Variants in ARHGAP22 observed in about 807,000 individuals in gnomAD.
The protein encoded by ARHGAP22 is Rho GTPase activating protein 22.
Under a neutral mutation model 59.1 loss-of-function variants are expected in ARHGAP22, and 48 were observed. That is an observed-to-expected ratio of 0.81 (90% CI 0.64 to 1.03). ARHGAP22 has a LOEUF of 1.03. Ranked by LOEUF, ARHGAP22 falls within the 50% of genes least tolerant of loss-of-function variation. The pLI is 0.00. For synonymous variants in ARHGAP22, 445 were observed against 416.4 expected (o/e 1.07, Z -0.84); for missense variants, 1,015 against 958.7 (o/e 1.06, Z -0.78).
At chr10:48,558,868 T>C (rs893637675) in intron 2 of ARHGAP22, among the ~76,000 whole-genome samples, 1 of 152,226 alleles carries the variant, frequency 6.6e-6, no homozygotes, top group Non-Finnish European at 1.5e-5. Flanking sequence ...TGACACCTTT[T>C]ACATGAGCTC....
At chr10:48,531,993 A>G (rs1197804120) in intron 3 of ARHGAP22, among the ~76,000 whole-genome samples, 1 of 152,186 alleles carries the variant, frequency 6.6e-6, no homozygotes, top group African/African-American at 2.4e-5. Flanking sequence ...GGCCTCTGGT[A>G]GAGGGAGCTT....
intron 2 of ARHGAP22, among the ~76,000 whole-genome samples, chr10:48,579,731 G>A (rs1075809): frequency 1.3e-5 from 2 of 151,992 alleles, no homozygotes; most frequent in African/African-American, 4.8e-5. Context: ...TCCTTCTTCC[G>A]GACAGTTACA....
intron 1 of ARHGAP22, among the ~76,000 whole-genome samples, chr10:48,637,654 A>G: frequency 6.6e-6 from 1 of 151,904 alleles, no homozygotes; most frequent in East Asian, 1.9e-4. Context: ...GGATAGATGG[A>G]TAGATGGATG....
downstream of ARHGAP22, among the ~76,000 whole-genome samples, chr10:48,442,454 A>T (rs978127589): frequency 6.6e-6 from 1 of 152,218 alleles, no homozygotes. Flanking sequence ...CTAGGCAAAC[A>T]TACCCAGAAG....
At chr10:48,522,437 A>G (rs904177462) in intron 3 of ARHGAP22, among the ~76,000 whole-genome samples, 1 of 152,240 alleles carries the variant, frequency 6.6e-6, no homozygotes, top group African/African-American at 2.4e-5. Flanking sequence ...CCTAAGCAAG[A>G]GGAGGTGCCC....
chr10:48,527,464 G>C (rs1305534580), intron 3 of ARHGAP22, among the ~76,000 whole-genome samples: 1 of 127,416 alleles, frequency 7.8e-6, no homozygotes, highest in Non-Finnish European at 1.8e-5. Context: ...TAGGTGAATA[G>C]ATGGATGGAT....
At chr10:48,438,131 G>A in the ARHGAP22 span, 1 of 152,226 alleles carries the variant, frequency 6.6e-6, no homozygotes, top group Non-Finnish European at 1.5e-5. Flanking sequence ...TAGTTTGTGA[G>A]TGTTGTTCAT....
chr10:48,460,361 T>C (rs908269332), intron 4 of ARHGAP22, among the ~76,000 whole-genome samples: 4 of 152,176 alleles, frequency 2.6e-5, no homozygotes, highest in Admixed American at 2.0e-4. Context: ...GACATAGTAA[T>C]GTGAAAACCA....
At chr10:48,448,667 A>G (rs2045599011) in intron 9 of ARHGAP22, among the ~76,000 whole-genome samples, 1 of 147,446 alleles carries the variant, frequency 6.8e-6, no homozygotes, top group Admixed American at 7.1e-5. Flanking sequence ...GCTGGACAGG[A>G]CAGGTGCTAA....
chr10:48,470,401 G>A (rs894226461), intron 4 of ARHGAP22, among the ~76,000 whole-genome samples: 2 of 152,344 alleles, frequency 1.3e-5, no homozygotes, highest in African/African-American at 4.8e-5. Flanking sequence ...CCATCAGCAG[G>A]GGTGGGGGAG....
Position 48,604,917 on chromosome 10 carries a change from GCGTCAC to G in ARHGAP22, c.-127_-122del, listed in dbSNP as rs2060598867. ...CTCGTTCGGGGCCCCGTGGCCGCTG[GCGTCAC>G]CCGTCAGGCTCCCTCGGCTACCTCT... On this transcript the variant is annotated 5_prime_UTR_variant, in exon 1 of 10. Transcript: ENST00000249601. 18 of 1,573,794 alleles carry G rather than the reference GCGTCAC, an allele frequency of 1.1e-5. No homozygotes were observed. Among genetic ancestry groups the G allele is most frequent in the Non-Finnish European group, 1.5e-5 (17 of 1,163,224 alleles).
At chr10:48,605,551 A>C (rs1287497025), upstream of ARHGAP22, among the ~76,000 whole-genome samples, 1 of 152,184 alleles carries the variant, frequency 6.6e-6, no homozygotes, top group African/African-American at 2.4e-5. Flanking sequence ...AGGGCTCTTC[A>C]TAGGAAGATC....
intron 1 of ARHGAP22, among the ~76,000 whole-genome samples, chr10:48,651,374 A>T (rs575565708): frequency 3.3e-5 from 5 of 152,260 alleles, no homozygotes; most frequent in African/African-American, 1.2e-4. Flanking sequence ...CAGCCCATGC[A>T]GCCCAGCACC....
intron 3 of ARHGAP22, among the ~76,000 whole-genome samples, chr10:48,536,851 T>C (rs2055405896): frequency 6.6e-6 from 1 of 152,178 alleles, no homozygotes; most frequent in African/African-American, 2.4e-5. Flanking sequence ...GTTGGTGTAT[T>C]TGTCTCATTC....
chr10:48,604,746 C>G lies in ARHGAP22; in HGVS notation c.34+17G>C, dbSNP rs1170914454. 1.9e-6 allele frequency: 3 copies of G among 1,614,124 alleles called. No individual in the cohort carries two copies. The highest frequency in any genetic ancestry group is 2.5e-6 in the Non-Finnish European group (3 of 1,180,054). On this transcript the variant is annotated intron_variant, in intron 1 of 9. Coordinates refer to ENST00000249601, the MANE Select transcript of ARHGAP22 (RefSeq NM_021226.4). ...GCACATGCGGTGCCCAGAGAAACCC[C>G]AGAAAGTTGGACTTACCCCTCCTGG...
chr10:48,611,298 A>G (rs751124068), intron 1 of ARHGAP22, among the ~76,000 whole-genome samples: 11 of 152,176 alleles, frequency 7.2e-5, no homozygotes, highest in Non-Finnish European at 1.6e-4. Flanking sequence ...GTCCCTGCTT[A>G]CAGGAGTTAG....
intron 1 of ARHGAP22, among the ~76,000 whole-genome samples, chr10:48,638,098 T>TC (rs1181177151): frequency 1.3e-5 from 2 of 152,158 alleles, no homozygotes; most frequent in Non-Finnish European, 2.9e-5. Context: ...TCCCTTAGAA[T>TC]CTTAGAATGG....
intron 6 of ARHGAP22, 102 bp from the exon 7 acceptor site, chr10:48,454,263 G>T (rs569849785): frequency 1.8e-6 from 2 of 1,085,082 alleles, no homozygotes. Context: ...TGGGGGCTAC[G>T]GCAGCCCAGC....
chr10:48,456,219 G>T lies in ARHGAP22; in HGVS notation c.660-1085C>A, dbSNP rs74402312. 7.8e-3 allele frequency among the ~76,000 whole-genome samples: 1,189 copies of T among 152,310 alleles called. 8 individuals carry two copies. The highest frequency in any genetic ancestry group is 0.011 in the Non-Finnish European group (757 of 68,018). On this transcript the variant is annotated intron_variant, in intron 5 of 9. Coordinates refer to ENST00000249601, the MANE Select transcript of ARHGAP22 (RefSeq NM_021226.4). ...GATGAGACGGGGCCAGGAGACTGTG[G>T]CTGTGCCATTATGCTATCACCTGAT... is the stretch of plus-strand genomic sequence containing the variant.
Sources: gnomAD v4.1 joint callset for allele counts (sites outside exome capture counted in the v4.1 genomes callset) on GRCh38, gnomAD v4.1.1 for gene constraint, MANE v1.5 for transcripts, NCBI Gene and HGNC (gene_info 2026-07-23, HGNC 2026-07-21) for gene names.